Variants in ETF1 observed in about 807,000 individuals in gnomAD.
ETF1 encodes the protein eukaryotic translation termination factor 1.
In ETF1, 4 loss-of-function variants were observed where a neutral mutation model predicts 55.1. The ratio of observed to expected loss-of-function variants is 0.07; its 90% confidence interval spans 0.04 to 0.17. The LOEUF (loss-of-function observed/expected upper bound fraction) is 0.17, where lower values mean the gene tolerates loss of function less well. Ranked by LOEUF, ETF1 falls within the 10% of genes least tolerant of loss-of-function variation. ETF1 has a pLI of 1.00. For synonymous variants in ETF1, 157 were observed against 182.3 expected, an observed-to-expected ratio of 0.86 and a Z score of 1.12; for missense variants, 142 against 523.6, an observed-to-expected ratio of 0.27 and a Z score of 7.11.
intron 2 of ETF1, among the ~76,000 whole-genome samples, chr5:138,522,822 T>C (rs907135686): frequency 6.6e-6 from 1 of 151,862 alleles, no homozygotes; most frequent in South Asian, 2.1e-4. Flanking sequence ...CTGGCTAACA[T>C]GGTGAAACCC....
intron 6 of ETF1, chr5:138,511,824 G>A (rs1475774922): frequency 1.0e-6 from 1 of 983,604 alleles, no homozygotes; most frequent in Non-Finnish European, 1.2e-6. Flanking sequence ...CCTACTATAG[G>A]ACAACTCATT....
At position 138,512,255 on chromosome 5, in the gene ETF1, TA is replaced by T. The variant is rs1335645585; in HGVS notation, c.732+508del. 4.2e-3 allele frequency among the ~76,000 whole-genome samples: 68 copies of T among 16,038 alleles called. 1 individual carries two copies. Among genetic ancestry groups the T allele is most frequent in the African/African-American group, 0.013 (47 of 3,542 alleles). The allele number at this position is 16,038 out of a possible 152,430, so 10.5% of individuals were successfully genotyped here. A position where few individuals can be genotyped will look rare whatever the true frequency, so the allele number is the denominator to read the frequency against. On this transcript the variant is annotated intron_variant, in intron 6 of 10. Transcript: ENST00000360541. The stretch of plus-strand genomic sequence containing the variant: ...ATATATATATATATATATATATATA[TA>T]TATTTTTTTTTTTTTTTAAAGGCAA...
intron 2 of ETF1, among the ~76,000 whole-genome samples, chr5:138,525,958 A>AAAG (rs1465578508): frequency 7.9e-5 from 12 of 151,584 alleles, no homozygotes; most frequent in African/African-American, 1.2e-4. Flanking sequence ...AAAAAAAAAA[A>AAAG]AAAGAAATGT....
intron 2 of ETF1, among the ~76,000 whole-genome samples, chr5:138,530,717 G>A (rs1378588423): frequency 1.3e-5 from 2 of 151,860 alleles, no homozygotes; most frequent in African/African-American, 4.8e-5. Flanking sequence ...AGGGTTACAG[G>A]CACGCGCCAC....
chr5:138,520,216 G>A (rs1485183846), intron 2 of ETF1, among the ~76,000 whole-genome samples: 4 of 146,740 alleles, frequency 2.7e-5, no homozygotes, highest in Non-Finnish European at 4.5e-5. Context: ...AAGAAAAAAC[G>A]ACAGAAGATC....
intron 2 of ETF1, among the ~76,000 whole-genome samples, chr5:138,534,921 G>C (rs539994750): frequency 1.4e-4 from 16 of 110,782 alleles, no homozygotes; most frequent in African/African-American, 4.2e-4. Flanking sequence ...GGTTATAAGG[G>C]GGGGGGTCAA....
intron 2 of ETF1, among the ~76,000 whole-genome samples, chr5:138,533,410 G>C (rs574320566): frequency 5.9e-5 from 9 of 151,926 alleles, no homozygotes; most frequent in Non-Finnish European, 1.3e-4. Context: ...AAATCTGGCC[G>C]GGCACAGTGG....
At chr5:138,538,229 G>C (rs1766025963) in intron 2 of ETF1, among the ~76,000 whole-genome samples, 1 of 144,446 alleles carries the variant, frequency 6.9e-6, no homozygotes, top group Non-Finnish European at 1.5e-5. Flanking sequence ...TCACTCTGTT[G>C]CCCAGGCTGG....
chr5:138,513,770 T>C (rs1764907019), intron 4 of ETF1, 64 bp from the exon 5 acceptor site: 2 of 1,548,096 alleles, frequency 1.3e-6, no homozygotes, highest in Admixed American at 1.8e-5. Flanking sequence ...AAAAAAACTC[T>C]GAAAGGATAT....
intron 2 of ETF1, among the ~76,000 whole-genome samples, chr5:138,541,302 G>A (rs1766162091): frequency 6.6e-6 from 1 of 152,180 alleles, no homozygotes; most frequent in African/African-American, 2.4e-5. Context: ...ACAAGTTCCT[G>A]TAAGATCATT....
rs1380762745 is a variant in ETF1, at chr5:138,508,735, A to G, written c.1165T>C (p.Leu389=). 4 of 1,613,592 alleles carry G rather than the reference A, an allele frequency of 2.5e-6. No individual in the cohort carries two copies. The highest frequency in any genetic ancestry group is 2.7e-5 in the African/African-American group (2 of 74,976). The change falls in exon 10 of 11, where the codon TTG becomes CTG. Residue 389 remains leucine (L), a synonymous_variant. Transcript: ENST00000360541. ...ANNYKKFGAT[L]EIVTDKSQEG... ...TGTGATTTATCTGTGACAATTTCCA[A>G]CGTAGCTCCAAATTTTTTATAGTTG...
At chr5:138,540,465 C>T (rs182656797) in intron 2 of ETF1, among the ~76,000 whole-genome samples, 10 of 152,148 alleles carry the variant, frequency 6.6e-5, no homozygotes, top group African/African-American at 2.4e-4. Context: ...TTCCACTGTA[C>T]CCTATCTATG....
At chr5:138,542,482 A>G (rs949372613) in intron 2 of ETF1, among the ~76,000 whole-genome samples, 1 of 150,970 alleles carries the variant, frequency 6.6e-6, no homozygotes, top group African/African-American at 2.4e-5. Context: ...AAGGCCGAAC[A>G]CTTTGCCACA....
chr5:138,515,432 A>T (rs1764978850), intron 4 of ETF1, among the ~76,000 whole-genome samples: 1 of 152,176 alleles, frequency 6.6e-6, no homozygotes, highest in Admixed American at 6.5e-5. Flanking sequence ...CTCAGAAAAA[A>T]GAAAAAGAAA....
chr5:138,520,714 G>A (rs1483012203), intron 2 of ETF1, among the ~76,000 whole-genome samples: 1 of 152,162 alleles, frequency 6.6e-6, no homozygotes, highest in African/African-American at 2.4e-5. Flanking sequence ...TAGCTATTCA[G>A]GAGGCTGAGG....
rs928397008 is a variant in ETF1 at position 138,506,523 on chromosome 5, T to C, written c.*1782A>G. 6 of 152,690 alleles carry C rather than the reference T, an allele frequency of 3.9e-5. No individual in the cohort carries two copies. 9.5% of individuals were successfully genotyped at this position (152,690 alleles called of 1,614,324 possible). On this transcript the variant is annotated 3_prime_UTR_variant, in exon 11 of 11. Coordinates refer to ENST00000360541, the MANE Select transcript of ETF1 (RefSeq NM_004730.4). ...CTAAGGTACTGCTGTGAAGAGAGCA[T>C]GTTTGCTCGCTCTTGGGTGTTCTGC...
chr5:138,541,134 T>C (rs904746658), intron 2 of ETF1, among the ~76,000 whole-genome samples: 1 of 152,184 alleles, frequency 6.6e-6, no homozygotes, highest in Non-Finnish European at 1.5e-5. Flanking sequence ...TAAAATGCAA[T>C]ACTGGATTGA....
chr5:138,531,715 A>T (rs1765707197), intron 2 of ETF1, among the ~76,000 whole-genome samples: 1 of 152,126 alleles, frequency 6.6e-6, no homozygotes, highest in African/African-American at 2.4e-5. Context: ...TCCCTTTTCA[A>T]GCTCCCATCT....
Position 138,513,623 on chromosome 5 carries a change from T to C in ETF1, c.486A>G (p.Gln162=), listed in dbSNP as rs746970960. 5.6e-6 allele frequency: 9 copies of C among 1,611,444 alleles called. No individual in the cohort carries two copies. The East Asian group carries it at 6.7e-5, about 12-fold the overall frequency. Residue 162 remains glutamine (Q), a synonymous_variant, in exon 5 of 11, where the codon CAA becomes CAG. Transcript: ENST00000360541. The part of the protein sequence containing the change: ...DGSGALFGTL[Q]GNTREVLHKF... The stretch of plus-strand genomic sequence containing the variant: ...TGTGCAGGACTTCTCTTGTGTTTCC[T>C]TGGAGTGTGCCAAAAAGTGCACCAC...
Sources: gnomAD v4.1 joint callset for allele counts (sites outside exome capture counted in the v4.1 genomes callset) on GRCh38, gnomAD v4.1.1 for gene constraint, MANE v1.5 for transcripts, NCBI Gene and HGNC (gene_info 2026-07-23, HGNC 2026-07-21) for gene names.